Variants in MEI4 observed in about 807,000 individuals in gnomAD.
The protein encoded by MEI4 is meiotic double-stranded break formation protein 4, also known as meiosis-specific protein MEI4.
Under a neutral mutation model 31.4 loss-of-function variants are expected in MEI4, and 27 were observed. The ratio of observed to expected loss-of-function variants is 0.86; its 90% CI spans 0.63 to 1.19. The LOEUF (loss-of-function observed/expected upper bound fraction) is 1.19. Among genes scored for constraint, MEI4 ranks in the 50% most tolerant of loss-of-function variants. MEI4 has a pLI of 0.00. For synonymous variants in MEI4, 122 were observed against 145.4 expected (o/e 0.84, Z 1.16); for missense variants, 329 against 398.9 (o/e 0.82, Z 1.49).
upstream of MEI4, among the ~76,000 whole-genome samples, chr6:77,651,412 G>C (rs1441471014): frequency 2.6e-5 from 4 of 152,160 alleles, no homozygotes; most frequent in Non-Finnish European, 5.9e-5. Context: ...AATTCCATCA[G>C]GAACCATAGA....
intron 2 of MEI4, among the ~76,000 whole-genome samples, chr6:77,727,264 T>A (rs1269345538): frequency 6.6e-6 from 1 of 152,172 alleles, no homozygotes; most frequent in African/African-American, 2.4e-5. Context: ...AAGGCACTAG[T>A]AGGATGACTG....
At chr6:77,789,274 A>G (rs971847822) in intron 3 of MEI4, among the ~76,000 whole-genome samples, 1 of 152,196 alleles carries the variant, frequency 6.6e-6, no homozygotes, top group Admixed American at 6.5e-5. Context: ...TTAAAGACTT[A>G]AACATTAGAC....
intron 2 of MEI4, among the ~76,000 whole-genome samples, chr6:77,752,366 AC>A (rs1219252914): frequency 3.9e-5 from 6 of 152,004 alleles, no homozygotes; most frequent in Non-Finnish European, 5.9e-5. Context: ...ATATTTAGAA[AC>A]CCCCATTGTC....
At chr6:77,781,027 C>T (rs182537272) in intron 3 of MEI4, among the ~76,000 whole-genome samples, 1 of 152,150 alleles carries the variant, frequency 6.6e-6, no homozygotes, top group African/African-American at 2.4e-5. Context: ...GCCGAGACTG[C>T]ATGCCCACAG....
Position 77,788,866 on chromosome 6 carries a change from C to A in MEI4, c.768+27201C>A, listed in dbSNP as rs187888584. ...CAGATTCAATGCCATCCCCATCTAG[C>A]TACAAGTGACTTTCTTCACAGAATT... On this transcript the variant is annotated intron_variant, in intron 3 of 4. Transcript: ENST00000684080. 3.4e-3 allele frequency among the ~76,000 whole-genome samples: 524 copies of A among 152,316 alleles called. 2 individuals carry two copies. The highest frequency in any genetic ancestry group is 6.4e-3 in the Non-Finnish European group (438 of 68,046).
intron 1 of MEI4, among the ~76,000 whole-genome samples, chr6:77,665,321 A>G (rs1244315748): frequency 6.6e-6 from 1 of 151,326 alleles, no homozygotes; most frequent in Admixed American, 6.6e-5. Flanking sequence ...TAAGGGTGAA[A>G]GATAAGGGGT....
At chr6:77,901,825 C>T (rs1766193587) in intron 4 of MEI4, among the ~76,000 whole-genome samples, 1 of 151,886 alleles carries the variant, frequency 6.6e-6, no homozygotes, top group Non-Finnish European at 1.5e-5. Context: ...TTTTATGTAG[C>T]AGTTTTACAG....
At chr6:77,665,762 A>C (rs901632912) in intron 1 of MEI4, among the ~76,000 whole-genome samples, 1 of 152,208 alleles carries the variant, frequency 6.6e-6, no homozygotes, top group Non-Finnish European at 1.5e-5. Flanking sequence ...ATTGAAATTA[A>C]GAGAAGGGAG....
intron 3 of MEI4, among the ~76,000 whole-genome samples, chr6:77,784,938 C>T (rs1284599358): frequency 6.6e-6 from 1 of 152,134 alleles, no homozygotes. Flanking sequence ...CCCAAGAACT[C>T]AGTTGCAAAG....
At chr6:77,753,270 A>G (rs1268284630) in intron 2 of MEI4, among the ~76,000 whole-genome samples, 1 of 152,238 alleles carries the variant, frequency 6.6e-6, no homozygotes, top group Admixed American at 6.5e-5. Flanking sequence ...ATTAAACTAA[A>G]GAGCTTCTGC....
chr6:77,792,552 G>A (rs868768465), intron 3 of MEI4, among the ~76,000 whole-genome samples: 8 of 151,996 alleles, frequency 5.3e-5, no homozygotes, highest in African/African-American at 1.4e-4. Context: ...AATATTGCTC[G>A]GACTATTGCT....
intron 3 of MEI4, among the ~76,000 whole-genome samples, chr6:77,785,551 C>G (rs1282733577): frequency 6.6e-6 from 1 of 152,120 alleles, no homozygotes; most frequent in East Asian, 1.9e-4. Context: ...TTATCTGACT[C>G]TAGTACATAA....
chr6:77,919,830 C>A (rs1397227138), intron 4 of MEI4, among the ~76,000 whole-genome samples: 1 of 149,264 alleles, frequency 6.7e-6, no homozygotes, highest in East Asian at 2.0e-4. Flanking sequence ...ACCACCGATC[C>A]CACAGAAATA....
intron 1 of MEI4, among the ~76,000 whole-genome samples, chr6:77,686,666 G>T (rs753817771): frequency 6.6e-6 from 1 of 151,920 alleles, no homozygotes; most frequent in Non-Finnish European, 1.5e-5. Context: ...TTTTATATTG[G>T]TAGTTATAAT....
At chr6:77,683,048 A>G (rs1438147091) in intron 1 of MEI4, among the ~76,000 whole-genome samples, 1 of 152,092 alleles carries the variant, frequency 6.6e-6, no homozygotes, top group African/African-American at 2.4e-5. Context: ...CTGTTCTTTC[A>G]TTCTTATTCC....
At chr6:77,811,774 A>C (rs941429741) in intron 3 of MEI4, among the ~76,000 whole-genome samples, 1 of 70,590 alleles carries the variant, frequency 1.4e-5, no homozygotes, top group African/African-American at 4.3e-5. Flanking sequence ...ACTCCGTCTC[A>C]AAAAAAAAAA....
intron 3 of MEI4, among the ~76,000 whole-genome samples, chr6:77,763,352 T>G (rs1003004768): frequency 1.1e-4 from 16 of 152,138 alleles, no homozygotes; most frequent in African/African-American, 3.6e-4. Context: ...TCCCTGGCTC[T>G]GAGCCCAGCA....
At chr6:77,838,985 CA>C (rs1034598147) in intron 4 of MEI4, among the ~76,000 whole-genome samples, 1 of 151,056 alleles carries the variant, frequency 6.6e-6, no homozygotes, top group African/African-American at 2.4e-5. Context: ...AAAATGAAGG[CA>C]AAAAAAACTG....
chr6:77,883,474 C>CTAAATACCATTCTAATCTCTA (rs1207815151), intron 4 of MEI4, among the ~76,000 whole-genome samples: 2 of 151,510 alleles, frequency 1.3e-5, no homozygotes, highest in Non-Finnish European at 2.9e-5. Flanking sequence ...TGAGCCTCTG[C>CTAAATACCATTCTAATCTCTA]TAAATACCAT....
Sources: gnomAD v4.1 joint callset for allele counts (sites outside exome capture counted in the v4.1 genomes callset) on GRCh38, gnomAD v4.1.1 for gene constraint, MANE v1.5 for transcripts, NCBI Gene and HGNC (gene_info 2026-07-23, HGNC 2026-07-21) for gene names.